GRM8: variants seen among roughly 807,000 people sequenced by gnomAD.
The protein encoded by GRM8 is glutamate metabotropic receptor 8.
GRM8 carries 47 observed loss-of-function variants against 87.2 expected under a neutral mutation model. The ratio of observed to expected loss-of-function variants is 0.54; its 90% CI spans 0.43 to 0.69. GRM8 has a LOEUF of 0.69. Among genes scored for constraint, GRM8 ranks in the 30% least tolerant of loss-of-function variants. The pLI is 0.00. For synonymous variants in GRM8, 396 were observed against 404.5 expected, an observed-to-expected ratio of 0.98 and a Z score of 0.25; for missense variants, 1,019 against 1,139.2, an observed-to-expected ratio of 0.89 and a Z score of 1.52.
chr7:126,604,014 A>T (rs1406449163), intron 8 of GRM8, among the ~76,000 whole-genome samples: 1 of 152,086 alleles, frequency 6.6e-6, no homozygotes, highest in Non-Finnish European at 1.5e-5. Flanking sequence ...ACAGTTGTTT[A>T]TCCAGAATAA....
intron 3 of GRM8, among the ~76,000 whole-genome samples, chr7:127,028,715 C>G (rs1335617141): frequency 6.6e-6 from 1 of 151,676 alleles, no homozygotes; most frequent in Non-Finnish European, 1.5e-5. Context: ...TCTATTTGAT[C>G]CTTCTTTCTT....
intron 7 of GRM8, among the ~76,000 whole-genome samples, chr7:126,740,795 T>C (rs959621137): frequency 7.9e-5 from 12 of 152,198 alleles, no homozygotes; most frequent in African/African-American, 2.9e-4. Flanking sequence ...TCAGGTATTT[T>C]TGTTAACCTG....
At chr7:127,182,675 G>A (rs923019689) in intron 2 of GRM8, among the ~76,000 whole-genome samples, 3 of 107,180 alleles carry the variant, frequency 2.8e-5, no homozygotes, top group Non-Finnish European at 5.9e-5. Flanking sequence ...GTGTGTGTGT[G>A]TGTGTGTATA....
chr7:126,814,145 A>G (rs193131208), intron 6 of GRM8, among the ~76,000 whole-genome samples: 13 of 152,034 alleles, frequency 8.6e-5, no homozygotes, highest in African/African-American at 2.9e-4. Flanking sequence ...GTATTAGACT[A>G]CCCTGCTACA....
At chr7:126,953,257 T>A (rs1808343910) in intron 3 of GRM8, among the ~76,000 whole-genome samples, 2 of 152,138 alleles carry the variant, frequency 1.3e-5, no homozygotes, top group Non-Finnish European at 2.9e-5. Flanking sequence ...AAGTTTCCAC[T>A]TTTGGATACT....
intron 7 of GRM8, among the ~76,000 whole-genome samples, chr7:126,639,755 T>C (rs1312483450): frequency 6.6e-6 from 1 of 152,210 alleles, no homozygotes; most frequent in East Asian, 1.9e-4. Context: ...ATGAATAATG[T>C]AGCAATACCT....
At chr7:126,975,843 G>C (rs1459108606) in intron 3 of GRM8, among the ~76,000 whole-genome samples, 1 of 152,130 alleles carries the variant, frequency 6.6e-6, no homozygotes, top group Non-Finnish European at 1.5e-5. Context: ...ATAATACATA[G>C]CTGTTTTTAC....
At chr7:126,879,032 G>A (rs1389258870) in intron 6 of GRM8, among the ~76,000 whole-genome samples, 11 of 151,812 alleles carry the variant, frequency 7.2e-5, no homozygotes, top group South Asian at 2.1e-4. Flanking sequence ...GCACAGTGGC[G>A]GGCCCCTGTA....
chr7:126,903,573 C>T (rs1463175727), intron 5 of GRM8, among the ~76,000 whole-genome samples: 3,185 of 64,230 alleles, frequency 0.05, 184 homozygotes, highest in African/African-American at 0.12. Flanking sequence ...CATACACACA[C>T]ACACACACAC....
At chr7:126,731,588 C>A (rs1030530618) in intron 7 of GRM8, among the ~76,000 whole-genome samples, 5 of 152,000 alleles carry the variant, frequency 3.3e-5, no homozygotes, top group Non-Finnish European at 7.4e-5. Context: ...ACTATTTCTA[C>A]GCATCCCAAA....
chr7:127,138,260 T>A (rs1032010353), intron 2 of GRM8, among the ~76,000 whole-genome samples: 136 of 151,936 alleles, frequency 9.0e-4, no homozygotes, highest in Non-Finnish European at 1.4e-3. Context: ...TCTTTTAAAA[T>A]TTTTTTTTGT....
intron 3 of GRM8, among the ~76,000 whole-genome samples, chr7:126,907,856 A>G (rs954682618): frequency 3.3e-5 from 5 of 152,192 alleles, no homozygotes; most frequent in Admixed American, 2.0e-4. Context: ...AGCCAGCGCT[A>G]CTGGTGCTGG....
At chr7:126,837,608 G>A (rs1795922351) in intron 6 of GRM8, among the ~76,000 whole-genome samples, 1 of 152,198 alleles carries the variant, frequency 6.6e-6, no homozygotes, top group Non-Finnish European at 1.5e-5. Context: ...GGAGATCTAT[G>A]TCTAGAGCAC....
chr7:126,806,455 T>C (rs1296321141), intron 6 of GRM8, among the ~76,000 whole-genome samples: 3 of 152,244 alleles, frequency 2.0e-5, no homozygotes, highest in Non-Finnish European at 4.4e-5. Flanking sequence ...GAGTGCATTG[T>C]GGCTGCTTGC....
chr7:126,713,031 A>G (rs1811286051), intron 7 of GRM8, among the ~76,000 whole-genome samples: 1 of 152,200 alleles, frequency 6.6e-6, no homozygotes, highest in African/African-American at 2.4e-5. Context: ...TGTGGAAGGC[A>G]GTGTGGTGGT....
chr7:126,640,670 C>T (rs567888314), intron 7 of GRM8, among the ~76,000 whole-genome samples: 136 of 152,012 alleles, frequency 8.9e-4, no homozygotes, highest in Non-Finnish European at 1.6e-3. Flanking sequence ...TTCTTGACAA[C>T]GTATGTCTAC....
At chr7:127,070,759 T>C (rs997941264) in intron 3 of GRM8, among the ~76,000 whole-genome samples, 2 of 152,156 alleles carry the variant, frequency 1.3e-5, no homozygotes, top group Non-Finnish European at 2.9e-5. Context: ...ATTATCCCCA[T>C]GTTAAAGACG....
intron 7 of GRM8, among the ~76,000 whole-genome samples, chr7:126,613,316 T>C (rs1311458172): frequency 6.6e-6 from 1 of 152,146 alleles, no homozygotes; most frequent in East Asian, 1.9e-4. Context: ...AAATTTCAAA[T>C]GACAAATGTC....
At chr7:126,627,939 T>C (rs1800860372) in intron 7 of GRM8, among the ~76,000 whole-genome samples, 2 of 152,256 alleles carry the variant, frequency 1.3e-5, no homozygotes, top group Non-Finnish European at 2.9e-5. Flanking sequence ...TTCATACTTA[T>C]GAGTGAGAAG....
Sources: gnomAD v4.1 joint callset for allele counts (sites outside exome capture counted in the v4.1 genomes callset) on GRCh38, gnomAD v4.1.1 for gene constraint, MANE v1.5 for transcripts, NCBI Gene and HGNC (gene_info 2026-07-23, HGNC 2026-07-21) for gene names.